The following FER variants were observed in gnomAD, a reference collection of about 807,000 sequenced individuals.
FER encodes the protein tyrosine-protein kinase Fer.
Under a neutral mutation model 111.0 loss-of-function variants are expected in FER, and 63 were observed. The ratio of observed to expected loss-of-function variants is 0.57; its 90% confidence interval spans 0.46 to 0.70. The LOEUF (loss-of-function observed/expected upper bound fraction) is 0.70. Ranked by LOEUF, FER falls within the 30% of genes least tolerant of loss-of-function variation. The pLI, the probability that FER is intolerant of heterozygous loss-of-function variation, is 0.00. For missense variants in FER, 914 were observed against 954.0 expected (o/e 0.96, Z 0.55); for synonymous variants, 327 against 313.9 (o/e 1.04, Z -0.44).
chr5:109,037,546 A>C, intron 14 of FER, 68 bp downstream of exon 14: 1 of 1,323,268 alleles, frequency 7.6e-7, no homozygotes. Context: ...AGATTTTTTC[A>C]TTTTCCTCAA....
In FER at chr5:108,867,939, G is replaced by A. The variant is rs1328988861; in HGVS notation, c.654G>A (p.Met218Ile). ...CCTTACAAAAGATGCAAGAAGAAATGATAAAAGCACTGTAAGATACATTTT... is the reference window on the plus strand; with the variant it reads ...CCTTACAAAAGATGCAAGAAGAAATAATAAAAGCACTGTAAGATACATTTT... ...LDSLQKMQEE[M>I]IKALKGIFDE... Residue 218 changes from methionine to isoleucine, a missense_variant, in exon 6 of 20, where the codon ATG becomes ATA. Physicochemically the swap from Met to Ile is conservative, Grantham distance 10 (BLOSUM62 1). Around this residue, in one of 3 missense-constraint regions of FER, gnomAD observed 774 missense variants for 782.6 expected, o/e 0.99. Coordinates refer to ENST00000281092, the MANE Select transcript of FER (RefSeq NM_005246.4). The A allele has an allele frequency of 1.2e-6, 2 of 1,605,636 alleles. No individual in the cohort carries two copies. The highest frequency in any genetic ancestry group is 1.7e-6 in the Non-Finnish European group (2 of 1,177,364).
intron 5 of FER, among the ~76,000 whole-genome samples, chr5:108,864,158 G>A (rs943877018): frequency 1.3e-5 from 2 of 152,148 alleles, no homozygotes; most frequent in African/African-American, 4.8e-5. Context: ...TGGACAATGG[G>A]TACAGAATTA....
chr5:108,969,143 T>G (rs1189178584), intron 13 of FER, among the ~76,000 whole-genome samples: 1 of 152,148 alleles, frequency 6.6e-6, no homozygotes, highest in East Asian at 1.9e-4. Flanking sequence ...GTCAAAACTG[T>G]AAAATGTATA....
In FER at chr5:108,759,331, C is replaced by T. The variant is rs114063249; in HGVS notation, c.-205-8762C>T. Among the ~76,000 whole-genome samples the T allele has an allele frequency of 4.6e-3, 704 of 152,312 alleles. 5 individuals carry two copies. The highest frequency in any genetic ancestry group is 0.016 in the African/African-American group (685 of 41,558). ...TTGTTCTCATTTCTGTCTGAGACCTCATCAGAATAGCCTTTACTGTTCATA... is the reference window on the plus strand; with the variant it reads ...TTGTTCTCATTTCTGTCTGAGACCTTATCAGAATAGCCTTTACTGTTCATA... On this transcript the variant is annotated intron_variant, in intron 1 of 19. Coordinates refer to ENST00000281092, the MANE Select transcript of FER (RefSeq NM_005246.4).
intron 1 of FER, among the ~76,000 whole-genome samples, chr5:108,755,163 T>C (rs1168695684): frequency 6.6e-6 from 1 of 152,242 alleles, no homozygotes; most frequent in Non-Finnish European, 1.5e-5. Context: ...TTGCATTACA[T>C]TATTTGTATA....
At chr5:109,156,826 C>G (rs888773069) in intron 17 of FER, among the ~76,000 whole-genome samples, 1 of 151,978 alleles carries the variant, frequency 6.6e-6, no homozygotes, top group East Asian at 1.9e-4. Flanking sequence ...GAAGCTAGAG[C>G]AGTTTCAATA....
intron 10 of FER, among the ~76,000 whole-genome samples, chr5:108,923,206 A>G (rs1303318361): frequency 6.6e-6 from 1 of 152,020 alleles, no homozygotes; most frequent in Non-Finnish European, 1.5e-5. Flanking sequence ...AATTTTATAA[A>G]ATTATTCTCA....
intron 16 of FER, chr5:109,051,672 T>C: frequency 6.3e-7 from 1 of 1,575,998 alleles, no homozygotes; most frequent in Non-Finnish European, 8.7e-7. Context: ...AAGCATATTT[T>C]TGAGACCCAC....
rs1762102502 is a variant in FER at position 108,982,355 on chromosome 5, C to G, written c.1656+23008C>G. Among the ~76,000 whole-genome samples the G allele has an allele frequency of 2.6e-5, 4 of 152,034 alleles. No individual in the cohort carries two copies. In the South Asian group the frequency reaches 8.3e-4, roughly 32 times the overall value. ...TTGTAGTAAAAGCACGTGCATTCTA[C>G]CTTTGGTAATAAGAGAAAAAATTGC... On this transcript the variant is annotated intron_variant, in intron 13 of 19. Transcript: ENST00000281092.
intron 17 of FER, among the ~76,000 whole-genome samples, chr5:109,119,190 G>A: frequency 6.6e-6 from 1 of 152,156 alleles, no homozygotes; most frequent in Non-Finnish European, 1.5e-5. Flanking sequence ...ATGTGTCTCA[G>A]AGATTCTGGT....
At chr5:109,114,754 A>G (rs1433391570) in intron 17 of FER, among the ~76,000 whole-genome samples, 14 of 152,130 alleles carry the variant, frequency 9.2e-5, no homozygotes, top group Admixed American at 7.9e-4. Context: ...ATACTCCAAA[A>G]TGAGAACAAA....
intron 10 of FER, among the ~76,000 whole-genome samples, chr5:108,916,477 T>C (rs369550719): frequency 6.6e-6 from 1 of 152,136 alleles, no homozygotes; most frequent in East Asian, 1.9e-4. Context: ...AAATCTGAAA[T>C]GTAATTAATT....
intron 9 of FER, among the ~76,000 whole-genome samples, chr5:108,885,503 C>T (rs1746983794): frequency 6.6e-6 from 1 of 151,876 alleles, no homozygotes; most frequent in Non-Finnish European, 1.5e-5. Flanking sequence ...TCTCACAGTT[C>T]TGGAGGCTGT....
chr5:108,889,200 A>G (rs1353814343), intron 9 of FER, among the ~76,000 whole-genome samples: 1 of 151,904 alleles, frequency 6.6e-6, no homozygotes, highest in African/African-American at 2.4e-5. Context: ...CAGCAATCTC[A>G]CTGCTAGGTA....
Position 109,194,613 on chromosome 5 carries a change from CTG to C in FER, c.*7040_*7041del, listed in dbSNP as rs1759607858. ...ATCAGTTAGAACACCCTTGCAAAAA[CTG>C]TAACCACTTAAGCAATTCATCTGAT... On this transcript the variant is annotated 3_prime_UTR_variant, in exon 20 of 20. Transcript: ENST00000281092. 6.6e-6 allele frequency: 1 copy of C among 152,214 alleles called. No homozygotes were observed. Among genetic ancestry groups the C allele is most frequent in the Non-Finnish European group, 1.5e-5 (1 of 68,044 alleles). 9.4% of individuals were successfully genotyped at this position (152,214 alleles called of 1,614,324 possible). A position where few individuals can be genotyped will look rare whatever the true frequency, so the allele number is the denominator to read the frequency against.
chr5:109,051,631 G>A (rs1373852069), intron 16 of FER: 3 of 1,589,450 alleles, frequency 1.9e-6, no homozygotes, highest in Non-Finnish European at 2.6e-6. Flanking sequence ...AGGCGAGAGG[G>A]GAGCAGTTGG....
At chr5:108,749,233 G>A (rs1468125717) in intron 1 of FER, among the ~76,000 whole-genome samples, 2 of 152,158 alleles carry the variant, frequency 1.3e-5, no homozygotes, top group Admixed American at 1.3e-4. Context: ...CCCGCCCGCA[G>A]CAGAGCATTC....
intron 5 of FER, among the ~76,000 whole-genome samples, chr5:108,855,560 G>T (rs911196113): frequency 1.4e-5 from 2 of 145,546 alleles, no homozygotes; most frequent in African/African-American, 5.2e-5. Context: ...GGCGGAACTT[G>T]CAGTGAGCCA....
intron 13 of FER, among the ~76,000 whole-genome samples, chr5:109,027,610 A>G (rs889424504): frequency 9.9e-5 from 15 of 152,066 alleles, no homozygotes; most frequent in African/African-American, 2.9e-4. Flanking sequence ...CTTTAAAGGG[A>G]TAACTTTAGG....
Sources: gnomAD v4.1 joint callset for allele counts (sites outside exome capture counted in the v4.1 genomes callset) on GRCh38, gnomAD v4.1.1 for gene constraint, gnomAD v4.1.1 regional missense constraint, MANE v1.5 for transcripts, NCBI Gene and HGNC (gene_info 2026-07-23, HGNC 2026-07-21) for gene names.